TXN2: variants seen among roughly 807,000 people sequenced by gnomAD.
TXN2 encodes the protein thioredoxin 2, also known as thioredoxin, mitochondrial.
Under a neutral mutation model 14.6 loss-of-function variants are expected in TXN2, and 12 were observed. The ratio of observed to expected loss-of-function variants is 0.82; its 90% CI spans 0.53 to 1.33. The LOEUF is 1.33. Among genes scored for constraint, TXN2 ranks in the 40% most tolerant of loss-of-function variants. The probability of loss-of-function intolerance (pLI) is 0.00; values close to 1 mark genes in which losing one functional copy is unlikely to be tolerated. For missense variants in TXN2, 173 were observed against 207.7 expected (o/e 0.83, Z 1.03); for synonymous variants, 89 against 81.0 (o/e 1.10, Z -0.53).
Position 36,476,830 on chromosome 22 carries a change from C to A in TXN2, c.290G>T (p.Gly97Val). The A allele has an allele frequency of 6.2e-7, 1 of 1,614,120 alleles. No individual in the cohort carries two copies. Among genetic ancestry groups the A allele is most frequent in the Non-Finnish European group, 8.5e-7 (1 of 1,180,030 alleles). ...GGCCACCATCTTCTCTAACCTCGGC[C>A]CCAGGATCTTGCAGGGTCCACACCA... The part of the protein sequence containing the change: ...AQWCGPCKIL[G>V]PRLEKMVAKQ... The change falls in exon 3 of 4, where the codon GGG becomes GTG. Residue 97 changes from glycine (G) to valine (V), a missense_variant. Gly to Val is a moderately radical substitution (Grantham distance 109). Transcript: ENST00000216185.
rs569377413 is a variant in TXN2, at chr22:36,477,626, C to A, written c.264-770G>T. Among the ~76,000 whole-genome samples, 4 of 152,270 alleles carry A rather than the reference C, an allele frequency of 2.6e-5. No homozygotes were observed. In the South Asian group the frequency reaches 6.2e-4, roughly 24 times the overall value. ...GAAGCTGTGGGGATATTTCAAACAC[C>A]ATGTGGACTCAGAACTAAAAGGAGG... On this transcript the variant is annotated intron_variant, in intron 2 of 3. Transcript: ENST00000216185.
intron 3 of TXN2, among the ~76,000 whole-genome samples, chr22:36,476,479 C>G (rs193018493): frequency 6.6e-6 from 1 of 152,058 alleles, no homozygotes; most frequent in Admixed American, 6.6e-5. Context: ...GTAGTCCCAG[C>G]TACTTGGGAG....
intron 3 of TXN2, among the ~76,000 whole-genome samples, chr22:36,476,491 C>T (rs1933389141): frequency 6.6e-6 from 1 of 151,996 alleles, no homozygotes; most frequent in African/African-American, 2.4e-5. Context: ...ACTTGGGAGG[C>T]TGAGGCAGGA....
chr22:36,478,331 C>A (rs1304475841), intron 2 of TXN2, among the ~76,000 whole-genome samples: 1 of 152,042 alleles, frequency 6.6e-6, no homozygotes, highest in Non-Finnish European at 1.5e-5. Flanking sequence ...ACTGAATGAA[C>A]AACTCACACC....
chr22:36,474,450 G>A (rs1933346494), intron 3 of TXN2, among the ~76,000 whole-genome samples: 1 of 152,148 alleles, frequency 6.6e-6, no homozygotes, highest in South Asian at 2.1e-4. Flanking sequence ...AGGGATGGGT[G>A]CCTCTATTTG....
chr22:36,474,221 C>T (rs751125956), intron 3 of TXN2, among the ~76,000 whole-genome samples: 1 of 152,172 alleles, frequency 6.6e-6, no homozygotes, highest in Non-Finnish European at 1.5e-5. Context: ...CCCCTGTAAA[C>T]AGCCCTCAGT....
chr22:36,477,117 A>C (rs566706484), intron 2 of TXN2, among the ~76,000 whole-genome samples: 1 of 152,350 alleles, frequency 6.6e-6, no homozygotes, highest in South Asian at 2.1e-4. Context: ...TCAGATAAAT[A>C]TACTGTCATA....
chr22:36,474,684 C>T (rs1263066015), intron 3 of TXN2, among the ~76,000 whole-genome samples: 1 of 152,218 alleles, frequency 6.6e-6, no homozygotes, highest in Non-Finnish European at 1.5e-5. Context: ...GAGTGCCAGA[C>T]TAAAAGTGTC....
rs1262454721 is a variant in TXN2 at position 36,480,827 on chromosome 22, C to T, written c.11G>A (p.Arg4Gln). 6.4e-7 allele frequency: 1 copy of T among 1,568,780 alleles called. No individual in the cohort carries two copies. Among genetic ancestry groups the T allele is most frequent in the African/African-American group, 1.4e-5 (1 of 73,402 alleles). MAQ[R>Q]LLLRRFLASV... ...GGCCAGGAACCTCCTCAGAAGAAGT[C>T]GCTGAGCCATCTGTGAGGGAAAGAG... The change falls in exon 2 of 4, where the codon CGA becomes CAA. Residue 4 changes from arginine to glutamine, a missense_variant. Coordinates refer to ENST00000216185, the MANE Select transcript of TXN2 (RefSeq NM_012473.4).
intron 3 of TXN2, among the ~76,000 whole-genome samples, chr22:36,473,064 T>A (rs944683535): frequency 1.3e-5 from 2 of 152,124 alleles, no homozygotes; most frequent in Non-Finnish European, 2.9e-5. Context: ...GCCAGCACTC[T>A]GGGAGGCCGA....
chr22:36,479,493 G>A (rs889298949), intron 2 of TXN2, among the ~76,000 whole-genome samples: 4 of 151,784 alleles, frequency 2.6e-5, no homozygotes, highest in Admixed American at 2.6e-4. Flanking sequence ...CACCACGCCC[G>A]ATTAATTTTT....
At chr22:36,470,643 C>A (rs549047935) in intron 3 of TXN2, among the ~76,000 whole-genome samples, 2 of 152,194 alleles carry the variant, frequency 1.3e-5, no homozygotes, top group African/African-American at 4.8e-5. Flanking sequence ...TCCTTAAGAA[C>A]TCCAGATAGG....
At chr22:36,478,514 G>C (rs547083529) in intron 2 of TXN2, among the ~76,000 whole-genome samples, 49 of 152,254 alleles carry the variant, frequency 3.2e-4, no homozygotes, top group Middle Eastern at 6.8e-3. Context: ...TTTTGAGATG[G>C]AGTCTCACTC....
rs1933397429 is a variant in TXN2, at chr22:36,476,837, T to G, written c.283A>C (p.Ile95Leu). 6.2e-7 allele frequency: 1 copy of G among 1,614,024 alleles called. No homozygotes were observed. Among genetic ancestry groups the G allele is most frequent in the South Asian group, 1.1e-5 (1 of 91,086 alleles). Residue 95 changes from isoleucine to leucine, a missense_variant, in exon 3 of 4, where the codon ATC becomes CTC. Ile to Leu is a conservative substitution (Grantham distance 5). Coordinates refer to ENST00000216185, the MANE Select transcript of TXN2 (RefSeq NM_012473.4). ...FHAQWCGPCK[I>L]LGPRLEKMVA... is the part of the protein sequence containing the mutation. ...ATCTTCTCTAACCTCGGCCCCAGGA[T>G]CTTGCAGGGTCCACACCACCTCAAA...
At chr22:36,479,614 G>A (rs1346195438) in intron 2 of TXN2, among the ~76,000 whole-genome samples, 1 of 152,090 alleles carries the variant, frequency 6.6e-6, no homozygotes, top group Non-Finnish European at 1.5e-5. Flanking sequence ...TTACAGGTGT[G>A]AGCCACTGCG....
intron 2 of TXN2, among the ~76,000 whole-genome samples, chr22:36,477,238 C>G (rs2281083): frequency 0.13 from 19,844 of 152,052 alleles, 1,423 homozygotes; most frequent in Non-Finnish European, 0.16. Context: ...GACGGAGTCT[C>G]GCTCTATCCC....
Position 36,467,455 on chromosome 22 carries a change from T to TCTCGG in TXN2, c.*348_*349insCCGAG. 8.5e-6 allele frequency: 2 copies of TCTCGG among 235,150 alleles called. No individual in the cohort carries two copies. The highest frequency in any genetic ancestry group is 8.8e-5 in the South Asian group (1 of 11,360). 14.6% of individuals were successfully genotyped at this position (235,150 alleles called of 1,614,324 possible). A position where few individuals can be genotyped will look rare whatever the true frequency, so the allele number is the denominator to read the frequency against. On this transcript the variant is annotated 3_prime_UTR_variant, in exon 4 of 4. Coordinates refer to ENST00000216185, the MANE Select transcript of TXN2 (RefSeq NM_012473.4). ...GACGAGCCAGGCACGAGGTTTCAGA[T>TCTCGG]TGGAAGGGACCAAGATGAGGACCAA...
intron 2 of TXN2, among the ~76,000 whole-genome samples, chr22:36,478,641 G>A (rs894167604): frequency 5.9e-5 from 9 of 152,014 alleles, no homozygotes; most frequent in Admixed American, 3.9e-4. Context: ...GGTGCACACC[G>A]CACCCAGCCA....
intron 2 of TXN2, among the ~76,000 whole-genome samples, chr22:36,479,751 T>A (rs1366718301): frequency 6.6e-6 from 1 of 152,108 alleles, no homozygotes; most frequent in Non-Finnish European, 1.5e-5. Flanking sequence ...GATCTAGAAA[T>A]GAAAAAGCCC....
Sources: allele counts gnomAD v4.1 joint callset (sites outside exome capture counted in the v4.1 genomes callset), GRCh38; gene constraint gnomAD v4.1.1; transcripts MANE v1.5; gene names NCBI Gene and HGNC (gene_info 2026-07-23, HGNC 2026-07-21).